Variants in PKD1L1 observed in about 807,000 individuals in gnomAD.
PKD1L1 encodes the protein polycystin 1 like 1, transient receptor potential channel interacting.
A neutral mutation model predicts 323.4 loss-of-function variants in PKD1L1; 236 were observed. The observed-to-expected ratio is 0.73, with a 90% confidence interval of 0.66 to 0.81. PKD1L1 has a LOEUF of 0.81. Among genes scored for constraint, PKD1L1 ranks in the 40% least tolerant of loss-of-function variants. PKD1L1 has a pLI of 0.00. For synonymous variants in PKD1L1, 1,344 were observed against 1,335.0 expected, an observed-to-expected ratio of 1.01 and a Z score of -0.15; for missense variants, 3,320 against 3,508.0, an observed-to-expected ratio of 0.95 and a Z score of 1.35.
At chr7:47,874,464 T>C (rs1786357291) in intron 23 of PKD1L1, among the ~76,000 whole-genome samples, 2 of 152,128 alleles carry the variant, frequency 1.3e-5, no homozygotes, top group Non-Finnish European at 2.9e-5. Context: ...GCCCTATGTA[T>C]CTTTATAACA....
intron 16 of PKD1L1, 103 bp downstream of exon 16, chr7:47,890,439 T>G: frequency 8.2e-7 from 1 of 1,212,548 alleles, no homozygotes; most frequent in Non-Finnish European, 1.2e-6. Context: ...ATGGCCAAAC[T>G]CCAAACTGCT....
At chr7:47,786,929 C>T (rs1389164420) in intron 56 of PKD1L1, among the ~76,000 whole-genome samples, 1 of 152,136 alleles carries the variant, frequency 6.6e-6, no homozygotes, top group South Asian at 2.1e-4. Flanking sequence ...TGGGGGCTGG[C>T]AACTCACCGC....
chr7:47,887,319 C>A (rs984945411), intron 17 of PKD1L1, among the ~76,000 whole-genome samples: 1 of 152,174 alleles, frequency 6.6e-6, no homozygotes, highest in African/African-American at 2.4e-5. Flanking sequence ...CTCTCCAGCT[C>A]AGAAATAAAG....
chr7:47,829,249 C>T (rs1250966304), intron 44 of PKD1L1, among the ~76,000 whole-genome samples, 176 bp downstream of exon 44: 2 of 152,044 alleles, frequency 1.3e-5, no homozygotes, highest in African/African-American at 2.4e-5. Context: ...AAAATAAGTC[C>T]TATGTGTTCA....
At chr7:47,813,805 G>A in intron 48 of PKD1L1, 126 bp downstream of exon 48, 1 of 819,288 alleles carries the variant, frequency 1.2e-6, no homozygotes, top group Non-Finnish European at 2.0e-6. Flanking sequence ...CCCCGGCACT[G>A]ACAATTCCAA....
chr7:47,947,840 G>A (rs1256124478), intron 1 of PKD1L1, among the ~76,000 whole-genome samples: 9 of 151,846 alleles, frequency 5.9e-5, no homozygotes, highest in African/African-American at 1.9e-4. Context: ...GGTGGTGGGC[G>A]CCTGTGGTCC....
Position 47,849,500 on chromosome 7 carries a change from A to G in PKD1L1, c.4961-2429T>C, listed in dbSNP as rs181985265. Among the ~76,000 whole-genome samples the G allele has an allele frequency of 1.7e-3, 266 of 152,332 alleles. 1 individual carries two copies. The highest frequency in any genetic ancestry group is 6.2e-3 in the African/African-American group (257 of 41,576). On this transcript the variant is annotated intron_variant, in intron 31 of 56. Coordinates refer to ENST00000289672, the MANE Select transcript of PKD1L1 (RefSeq NM_138295.5). ...TCATAAGGAACTCAAACAAATCGCA[A>G]GAAAAAACAAATAACCCCATCAAAA...
chr7:47,865,224 A>G lies in PKD1L1; in HGVS notation c.4141T>C (p.Ser1381Pro). ...GAAAAAATTGCACTTACCTTATTAG[A>G]GAAGCTCACGAGGTCCCTCAACATA... ...VLMLRDLVSF[S>P]NKLGFMSAVL... Residue 1381 changes from serine (S) to proline (P), a missense_variant, in exon 26 of 57, where the codon TCT (serine) becomes CCT (proline). Coordinates refer to ENST00000289672, the MANE Select transcript of PKD1L1 (RefSeq NM_138295.5). The G allele has an allele frequency of 6.2e-7, 1 of 1,613,028 alleles. No homozygotes were observed. The highest frequency in any genetic ancestry group is 8.5e-7 in the Non-Finnish European group (1 of 1,179,468).
Position 47,929,423 on chromosome 7 carries a change from T to C in PKD1L1, c.841A>G (p.Ile281Val), listed in dbSNP as rs771333445. 9.3e-6 allele frequency: 15 copies of C among 1,614,142 alleles called. No individual in the cohort carries two copies. The highest frequency in any genetic ancestry group is 1.0e-5 in the Non-Finnish European group (12 of 1,179,994). Residue 281 changes from isoleucine to valine, a missense_variant, in exon 7 of 57, where the codon ATC (isoleucine) becomes GTC (valine). Coordinates refer to ENST00000289672, the MANE Select transcript of PKD1L1 (RefSeq NM_138295.5). ...AAGTTATCAGAATTTCGAGCTAGGA[T>C]GGCCACAGGAGGATGCTGAGTAGGG... ...YPPTQHPPVA[I>V]LARNSDNFMN...
chr7:47,938,872 G>A (rs1213684584), intron 3 of PKD1L1, among the ~76,000 whole-genome samples: 5 of 152,204 alleles, frequency 3.3e-5, no homozygotes, highest in Admixed American at 3.3e-4. Flanking sequence ...TTCAGAGGCA[G>A]GGCTTGTGCA....
chr7:47,823,959 G>C (rs1290710606), intron 45 of PKD1L1, among the ~76,000 whole-genome samples: 1 of 152,236 alleles, frequency 6.6e-6, no homozygotes, highest in Non-Finnish European at 1.5e-5. Flanking sequence ...CTTCAATTCA[G>C]TAGTTTCTAA....
Position 47,931,188 on chromosome 7 carries a change from G to A in PKD1L1, c.653C>T (p.Pro218Leu), listed in dbSNP as rs765244636. Residue 218 changes from proline (P) to leucine (L), a missense_variant, in exon 6 of 57, where the codon CCC (proline) becomes CTC (leucine). By Grantham distance (98) the Pro-to-Leu change is moderately conservative. Coordinates refer to ENST00000289672, the MANE Select transcript of PKD1L1 (RefSeq NM_138295.5). ...LLPGTVTMET[P>L]TKVARPTQTS... ...CTGAGTGGGTCTGGCCACCTTGGTG[G>A]GGGTCTCCATCGTGACAGTCCCAGG... 1 of 1,614,168 alleles carries A rather than the reference G, an allele frequency of 6.2e-7. No homozygotes were observed. The highest frequency in any genetic ancestry group is 1.1e-5 in the South Asian group (1 of 91,082).
rs1360935402 is a variant in PKD1L1 at position 47,948,463 on chromosome 7, G to A, written c.-23C>T. 6 of 1,613,582 alleles carry A rather than the reference G, an allele frequency of 3.7e-6. No individual in the cohort carries two copies. Among genetic ancestry groups the A allele is most frequent in the Non-Finnish European group, 5.1e-6 (6 of 1,179,822 alleles). The stretch of plus-strand genomic sequence containing the variant: ...CATGTCCTGTGCAAGCTGGTCACAA[G>A]TATGACAGTCAGCAGACCAGCTTCT... On this transcript the variant is annotated 5_prime_UTR_variant, in exon 1 of 57. Coordinates refer to ENST00000289672, the MANE Select transcript of PKD1L1 (RefSeq NM_138295.5).
At chr7:47,890,458 A>T in intron 16 of PKD1L1, 84 bp downstream of exon 16, 2 of 1,368,894 alleles carry the variant, frequency 1.5e-6, no homozygotes, top group Non-Finnish European at 2.1e-6. Context: ...CTTGCTGTGC[A>T]CAGCAGATTC....
upstream of PKD1L1, among the ~76,000 whole-genome samples, chr7:47,949,436 C>G (rs372950625): frequency 1.1e-4 from 15 of 140,968 alleles, no homozygotes; most frequent in African/African-American, 3.7e-4. Flanking sequence ...ATACCTTCCA[C>G]AAGAGCAGAA....
intron 40 of PKD1L1, 43 bp downstream of exon 40, chr7:47,834,296 T>A: frequency 6.3e-7 from 1 of 1,594,484 alleles, no homozygotes. Context: ...TTGTTTGCAT[T>A]TCATGCTAGA....
At chr7:47,848,173 C>G (rs1013336994) in intron 31 of PKD1L1, among the ~76,000 whole-genome samples, 2 of 152,074 alleles carry the variant, frequency 1.3e-5, no homozygotes, top group East Asian at 3.9e-4. Context: ...TTACCAAAAC[C>G]ACATAGGCAT....
At chr7:47,811,374 G>A (rs976414419) in intron 50 of PKD1L1, among the ~76,000 whole-genome samples, 1 of 152,070 alleles carries the variant, frequency 6.6e-6, no homozygotes. Context: ...CCAGGCCGGT[G>A]TTGAACTCCT....
At chr7:47,920,361 A>T (rs1453109521) in intron 7 of PKD1L1, among the ~76,000 whole-genome samples, 1 of 152,072 alleles carries the variant, frequency 6.6e-6, no homozygotes, top group African/African-American at 2.4e-5. Context: ...TACAAGGAAA[A>T]CTATAAAAGA....
Sources: allele counts gnomAD v4.1 joint callset (sites outside exome capture counted in the v4.1 genomes callset), GRCh38; gene constraint gnomAD v4.1.1; transcripts MANE v1.5; gene names NCBI Gene and HGNC (gene_info 2026-07-23, HGNC 2026-07-21).